Variants in ZFP14 observed in about 807,000 individuals in gnomAD.
ZFP14 encodes ZFP14 zinc finger protein.
A neutral mutation model predicts 54.5 loss-of-function variants in ZFP14; 22 were observed. That is an observed-to-expected ratio of 0.40 (90% CI 0.29 to 0.58). ZFP14 has a LOEUF of 0.58. Among genes scored for constraint, ZFP14 ranks in the 20% least tolerant of loss-of-function variants. The pLI, the probability that ZFP14 is intolerant of heterozygous loss-of-function variation, is 0.39. For missense variants in ZFP14, 470 were observed against 637.8 expected, an observed-to-expected ratio of 0.74 and a Z score of 2.83; for synonymous variants, 159 against 204.0, an observed-to-expected ratio of 0.78 and a Z score of 1.88.
intron 3 of ZFP14, among the ~76,000 whole-genome samples, chr19:36,361,368 T>C (rs1430102866): frequency 1.3e-5 from 2 of 151,984 alleles, no homozygotes; most frequent in African/African-American, 2.4e-5. Context: ...GCCTCCCAAG[T>C]AGCTGGGATT....
rs2145560758 is a variant in ZFP14, at chr19:36,367,887, G to C, written c.6C>G (p.Ala2=). 1 of 1,611,740 alleles carries C rather than the reference G, an allele frequency of 6.2e-7. No homozygotes were observed. Among genetic ancestry groups the C allele is most frequent in the Non-Finnish European group, 8.5e-7 (1 of 1,178,644 alleles). The part of the protein sequence containing the change: M[A]HGSVTFRDVA... ...GGACAGAGAAACATTAACTTACATGGGCCATGGTTTTAGAACTGCAAAAAC... is the reference window on the plus strand; with the variant it reads ...GGACAGAGAAACATTAACTTACATGCGCCATGGTTTTAGAACTGCAAAAAC... The change falls in exon 2 of 5, where the codon GCC becomes GCG. Residue 2 remains alanine, a synonymous_variant. Coordinates refer to ENST00000270001, the MANE Select transcript of ZFP14 (RefSeq NM_020917.3).
At chr19:36,363,193 T>C (rs998349397) in intron 2 of ZFP14, among the ~76,000 whole-genome samples, 7 of 134,216 alleles carry the variant, frequency 5.2e-5, no homozygotes, top group East Asian at 4.2e-4. Flanking sequence ...TCTTTTCTTT[T>C]TTTTTTTTTT....
At chr19:36,360,374 TA>T in intron 4 of ZFP14, 60 bp downstream of exon 4, 1 of 1,489,290 alleles carries the variant, frequency 6.7e-7, no homozygotes, top group Non-Finnish European at 9.2e-7. Context: ...GCCTCCACCC[TA>T]ATCAGTTTAG....
Position 36,362,112 on chromosome 19 carries a change from C to A in ZFP14, c.136G>T (p.Gly46Ter). 1 of 1,597,966 alleles carries A rather than the reference C, an allele frequency of 6.3e-7. No homozygotes were observed. Among genetic ancestry groups the A allele is most frequent in the Non-Finnish European group, 8.5e-7 (1 of 1,174,516 alleles). ...WENYSNFISL[G>*]PSISKPDVIT... ...TATCATTTGGGATAAATAACCTTACCTAGTGAAATGAAGTTGCTGTAGTTC... is the reference window on the plus strand; with the variant it reads ...TATCATTTGGGATAAATAACCTTACATAGTGAAATGAAGTTGCTGTAGTTC... Residue 46 changes from glycine to a stop codon, truncating the protein, a stop_gained and splice_region_variant, in exon 3 of 5, where the codon GGA becomes TGA. Transcript: ENST00000270001. LOFTEE classifies it high-confidence loss of function.
intron 1 of ZFP14, among the ~76,000 whole-genome samples, chr19:36,368,996 G>A (rs1257123499): frequency 6.6e-6 from 1 of 152,128 alleles, no homozygotes; most frequent in Non-Finnish European, 1.5e-5. Context: ...ACCACGCCCA[G>A]CTAATTTTTA....
intron 4 of ZFP14, among the ~76,000 whole-genome samples, chr19:36,349,346 T>C (rs2031483608): frequency 1.4e-5 from 2 of 147,818 alleles, no homozygotes; most frequent in South Asian, 4.3e-4. Flanking sequence ...GTTTAATTAA[T>C]AATTCCCTTA....
At chr19:36,369,221 C>T (rs958565285) in intron 1 of ZFP14, among the ~76,000 whole-genome samples, 11 of 152,138 alleles carry the variant, frequency 7.2e-5, no homozygotes, top group African/African-American at 2.4e-4. Flanking sequence ...TCATTGAGAA[C>T]CTCTATGTGT....
At position 36,349,251 on chromosome 19, in the gene ZFP14, AAAAAAC is replaced by A. The variant is rs1568467166; in HGVS notation, c.236-7667_236-7662del. 3.6e-4 allele frequency among the ~76,000 whole-genome samples: 25 copies of A among 69,954 alleles called. 4 individuals carry two copies. Among genetic ancestry groups the A allele is most frequent in the Middle Eastern group, 0.013 (2 of 154 alleles). 45.9% of individuals were successfully genotyped at this position (69,954 alleles called of 152,430 possible). A position where few individuals can be genotyped will look rare whatever the true frequency, so the allele number is the denominator to read the frequency against. On this transcript the variant is annotated intron_variant, in intron 4 of 4. Transcript: ENST00000270001. The stretch of plus-strand genomic sequence containing the variant: ...TGTCTCAAAAAAAAAAACAAAAAAA[AAAAAAC>A]AAAAAAAAAAAAACAGGAAGAACAT...
At chr19:36,366,233 A>G (rs1294259142) in intron 2 of ZFP14, among the ~76,000 whole-genome samples, 4 of 151,746 alleles carry the variant, frequency 2.6e-5, no homozygotes, top group African/African-American at 9.7e-5. Flanking sequence ...CTGCCACTGC[A>G]CTCCAGCCTG....
intron 1 of ZFP14, among the ~76,000 whole-genome samples, chr19:36,372,495 C>A (rs1404578573): frequency 2.6e-5 from 4 of 151,904 alleles, no homozygotes; most frequent in African/African-American, 9.7e-5. Flanking sequence ...AATTGGATAA[C>A]CTAAAATAAA....
In ZFP14 at chr19:36,335,516, G is replaced by C. The variant is rs1354309041; in HGVS notation, c.*4708C>G. 1 of 151,678 alleles carries C rather than the reference G, an allele frequency of 6.6e-6. No homozygotes were observed. Among genetic ancestry groups the C allele is most frequent in the African/African-American group, 2.4e-5 (1 of 41,276 alleles). 9.4% of individuals were successfully genotyped at this position (151,678 alleles called of 1,614,324 possible). A position where few individuals can be genotyped will look rare whatever the true frequency, so the allele number is the denominator to read the frequency against. ...CAGAATTAATTGGTAAAATCTTTAG[G>C]ATTATCTATTCCTTAAAGTTTTTAT... On this transcript the variant is annotated 3_prime_UTR_variant, in exon 5 of 5. Coordinates refer to ENST00000270001, the MANE Select transcript of ZFP14 (RefSeq NM_020917.3).
Position 36,351,560 on chromosome 19 carries a change from G to A in ZFP14, c.235+8875C>T. On this transcript the variant is annotated intron_variant, in intron 4 of 4. Transcript: ENST00000270001. ...ACAAAAAACTGAGGACACATAAAAG[G>A]AATTAAAATACTATTAAGGGTTGCG... Among the ~76,000 whole-genome samples, 2 of 141,984 alleles carry A rather than the reference G, an allele frequency of 1.4e-5. 1 individual carries two copies. Among genetic ancestry groups the A allele is most frequent in the Non-Finnish European group, 3.1e-5 (2 of 64,078 alleles). The allele number at this position is 141,984 out of a possible 152,430, so 93.1% of individuals were successfully genotyped here. A position where few individuals can be genotyped will look rare whatever the true frequency, so the allele number is the denominator to read the frequency against.
At chr19:36,359,927 T>C (rs1285955436) in intron 4 of ZFP14, among the ~76,000 whole-genome samples, 1 of 152,158 alleles carries the variant, frequency 6.6e-6, no homozygotes, top group African/African-American at 2.4e-5. Flanking sequence ...AACGCTGGGA[T>C]TACCAGAGTG....
Position 36,336,865 on chromosome 19 carries a change from G to A in ZFP14, c.*3359C>T, listed in dbSNP as rs546633527. On this transcript the variant is annotated 3_prime_UTR_variant, in exon 5 of 5. Coordinates refer to ENST00000270001, the MANE Select transcript of ZFP14 (RefSeq NM_020917.3). ...GAAATTTCAAACACATACAAAAGTA[G>A]AAATATTAGAACAATAAGTCTCCAT... 47 of 152,244 alleles carry A rather than the reference G, an allele frequency of 3.1e-4. No individual in the cohort carries two copies. The highest frequency in any genetic ancestry group is 1.1e-3 in the African/African-American group (46 of 41,546). 9.4% of individuals were successfully genotyped at this position (152,244 alleles called of 1,614,324 possible).
chr19:36,378,576 T>C (rs1255209355), intron 1 of ZFP14: 1 of 152,254 alleles, frequency 6.6e-6, no homozygotes, highest in Non-Finnish European at 1.5e-5. Flanking sequence ...CAAACTCATC[T>C]GGATGTTGAC....
chr19:36,353,023 T>G (rs2031555998), intron 4 of ZFP14, among the ~76,000 whole-genome samples: 1 of 140,970 alleles, frequency 7.1e-6, no homozygotes, highest in Non-Finnish European at 1.6e-5. Flanking sequence ...GGAGGATCAC[T>G]TGAGCCCAGG....
At chr19:36,372,954 A>G (rs2031902098) in intron 1 of ZFP14, among the ~76,000 whole-genome samples, 1 of 152,176 alleles carries the variant, frequency 6.6e-6, no homozygotes, top group East Asian at 1.9e-4. Context: ...GATAAACACC[A>G]CGTGATCTCA....
chr19:36,374,241 A>G (rs542203095), intron 1 of ZFP14, among the ~76,000 whole-genome samples: 1 of 152,306 alleles, frequency 6.6e-6, no homozygotes, highest in South Asian at 2.1e-4. Context: ...CTGTAATCCC[A>G]GCACTTTGGG....
chr19:36,340,205 A>G lies in ZFP14; in HGVS notation c.*19T>C. 1 of 1,538,178 alleles carries G rather than the reference A, an allele frequency of 6.5e-7. No individual in the cohort carries two copies. The highest frequency in any genetic ancestry group is 8.7e-7 in the Non-Finnish European group (1 of 1,144,986). On this transcript the variant is annotated 3_prime_UTR_variant, in exon 5 of 5. Coordinates refer to ENST00000270001, the MANE Select transcript of ZFP14 (RefSeq NM_020917.3). This position sits in a 1 kb window ranked among gnomAD's most constrained non-coding sequence, Gnocchi z 5.4. ...TCTGATGTTCTGTAACATCATATAC[A>G]TTTGAAGGCTTTCTTCTATTAAATT...
Sources: gnomAD v4.1 joint callset for allele counts (sites outside exome capture counted in the v4.1 genomes callset) on GRCh38, gnomAD v4.1.1 for gene constraint, Gnocchi (gnomAD v3.1) non-coding constraint, MANE v1.5 for transcripts, NCBI Gene and HGNC (gene_info 2026-07-23, HGNC 2026-07-21) for gene names.